RBFOX1: variants seen among roughly 807,000 people sequenced by gnomAD.
RBFOX1 encodes the protein RNA binding protein fox-1 homolog 1.
A neutral mutation model predicts 57.7 loss-of-function variants in RBFOX1; 8 were observed. The observed-to-expected ratio is 0.14, with a 90% confidence interval of 0.08 to 0.25. RBFOX1 has a LOEUF of 0.25. Ranked by LOEUF, RBFOX1 falls within the 10% of genes least tolerant of loss-of-function variation. The probability of loss-of-function intolerance (pLI) is 1.00; values close to 1 mark genes in which losing one functional copy is unlikely to be tolerated. For missense variants in RBFOX1, 611 were observed against 548.5 expected (o/e 1.11, Z -1.14); for synonymous variants, 326 against 222.4 (o/e 1.47, Z -4.15).
chr16:7,409,058 A>G (rs1171227079), intron 4 of RBFOX1, among the ~76,000 whole-genome samples: 1 of 152,184 alleles, frequency 6.6e-6, no homozygotes, highest in African/African-American at 2.4e-5. Context: ...TGCAAAGACG[A>G]GATTGCCTTG....
intron 14 of RBFOX1, among the ~76,000 whole-genome samples, chr16:7,695,139 CAG>C (rs1301786854): frequency 6.6e-6 from 1 of 152,126 alleles, no homozygotes; most frequent in Non-Finnish European, 1.5e-5. Flanking sequence ...GATCACATTT[CAG>C]ATTGAGAGAG....
intron 1 of RBFOX1, among the ~76,000 whole-genome samples, chr16:6,047,025 G>A (rs753719607): frequency 6.6e-6 from 1 of 152,184 alleles, no homozygotes. Context: ...GCTGATGAAG[G>A]ACGCCTGCTG....
chr16:6,766,197 A>G (rs2077303806), intron 3 of RBFOX1, among the ~76,000 whole-genome samples: 1 of 152,160 alleles, frequency 6.6e-6, no homozygotes, highest in Non-Finnish European at 1.5e-5. Flanking sequence ...AAAGACATGA[A>G]TAAGAGCCCT....
chr16:5,772,633 G>A (rs1174068900), intron 3 of RBFOX1, among the ~76,000 whole-genome samples: 8 of 152,186 alleles, frequency 5.3e-5, no homozygotes, highest in African/African-American at 1.9e-4. Context: ...GATGGTGGCG[G>A]TGATCTATTC....
At chr16:6,648,069 C>T (rs1568034203) in intron 2 of RBFOX1, among the ~76,000 whole-genome samples, 1 of 152,140 alleles carries the variant, frequency 6.6e-6, no homozygotes, top group East Asian at 1.9e-4. Context: ...TCTCAAACTC[C>T]TGGCCTCAAG....
At chr16:7,469,927 C>A (rs1281930962) in intron 4 of RBFOX1, among the ~76,000 whole-genome samples, 1 of 151,972 alleles carries the variant, frequency 6.6e-6, no homozygotes, top group African/African-American at 2.4e-5. Context: ...TGGAATCATA[C>A]ATTATTTGTC....
chr16:7,217,397 G>C (rs2092287390), intron 4 of RBFOX1, among the ~76,000 whole-genome samples: 1 of 148,092 alleles, frequency 6.8e-6, no homozygotes, highest in African/African-American at 2.5e-5. Context: ...CCAAAGTGCT[G>C]GGATTACAGG....
intron 3 of RBFOX1, among the ~76,000 whole-genome samples, chr16:6,949,383 A>T (rs961113721): frequency 6.6e-6 from 1 of 152,150 alleles, no homozygotes; most frequent in Admixed American, 6.5e-5. Flanking sequence ...GGTTTTACTC[A>T]TTCCATGGTG....
intron 2 of RBFOX1, among the ~76,000 whole-genome samples, chr16:6,589,029 C>G (rs1269822045): frequency 2.0e-5 from 3 of 152,136 alleles, no homozygotes; most frequent in East Asian, 1.9e-4. Context: ...CATTGAGGAA[C>G]CTTTTCAGAA....
chr16:5,906,402 C>G (rs2058457095), intron 4 of RBFOX1, among the ~76,000 whole-genome samples: 1 of 152,162 alleles, frequency 6.6e-6, no homozygotes, highest in East Asian at 1.9e-4. Context: ...CCAAAGATTG[C>G]TAACAAACTA....
intron 2 of RBFOX1, among the ~76,000 whole-genome samples, chr16:6,441,417 T>G (rs531194236): frequency 6.6e-6 from 1 of 152,128 alleles, no homozygotes; most frequent in African/African-American, 2.4e-5. Flanking sequence ...TGTTTTGTTT[T>G]GTTTTTTCTT....
chr16:6,166,762 G>T (rs9938931), intron 1 of RBFOX1, among the ~76,000 whole-genome samples: 1 of 151,904 alleles, frequency 6.6e-6, no homozygotes, highest in South Asian at 2.1e-4. Context: ...GCCCAGCCCC[G>T]TGGGGTTTTT....
At chr16:7,187,392 C>T (rs540853748) in intron 4 of RBFOX1, among the ~76,000 whole-genome samples, 1 of 151,908 alleles carries the variant, frequency 6.6e-6, no homozygotes, top group African/African-American at 2.4e-5. Context: ...TAATATGATA[C>T]TATAAGAAAG....
chr16:7,304,260 C>T, intron 4 of RBFOX1: 1 of 983,078 alleles, frequency 1.0e-6, no homozygotes, highest in Non-Finnish European at 1.2e-6. Context: ...GCGCGAGCCA[C>T]CGGTCATTGA....
chr16:5,465,432 T>A (rs1421883244), intron 1 of RBFOX1, among the ~76,000 whole-genome samples: 1 of 152,146 alleles, frequency 6.6e-6, no homozygotes, highest in Non-Finnish European at 1.5e-5. Flanking sequence ...AGATTTGGGG[T>A]TGCAAACACA....
intron 4 of RBFOX1, among the ~76,000 whole-genome samples, chr16:7,208,974 C>T (rs1463682366): frequency 6.6e-6 from 1 of 152,036 alleles, no homozygotes; most frequent in Non-Finnish European, 1.5e-5. Flanking sequence ...TTCACTTCAT[C>T]TTCCCTCTAT....
At chr16:6,884,863 A>G (rs1376424584) in intron 3 of RBFOX1, among the ~76,000 whole-genome samples, 1 of 152,146 alleles carries the variant, frequency 6.6e-6, no homozygotes, top group African/African-American at 2.4e-5. Flanking sequence ...GCTCCACTGC[A>G]CTCCAGCCTG....
intron 1 of RBFOX1, among the ~76,000 whole-genome samples, chr16:5,394,722 T>A (rs987794280): frequency 1.3e-5 from 2 of 152,114 alleles, no homozygotes; most frequent in East Asian, 1.9e-4. Flanking sequence ...CTAATTTTTG[T>A]ATTTTTTGTA....
chr16:6,600,822 G>GA (rs550257708), intron 2 of RBFOX1, among the ~76,000 whole-genome samples: 2 of 151,286 alleles, frequency 1.3e-5, no homozygotes, highest in African/African-American at 2.4e-5. Context: ...AAAAAAGATA[G>GA]AAAAAAAATC....
Sources: allele counts gnomAD v4.1 joint callset (sites outside exome capture counted in the v4.1 genomes callset), GRCh38; gene constraint gnomAD v4.1.1; transcripts MANE v1.5; gene names NCBI Gene and HGNC (gene_info 2026-07-23, HGNC 2026-07-21).